ITGBL1: variants seen among roughly 807,000 people sequenced by gnomAD.
ITGBL1 encodes integrin beta-like protein 1.
Under a neutral mutation model 68.5 loss-of-function variants are expected in ITGBL1, and 51 were observed. The ratio of observed to expected loss-of-function variants is 0.74; its 90% CI spans 0.59 to 0.94. ITGBL1 has a LOEUF of 0.94. Ranked by LOEUF, ITGBL1 falls within the 40% of genes least tolerant of loss-of-function variation. The pLI, the probability that ITGBL1 is intolerant of heterozygous loss-of-function variation, is 0.00. For missense variants in ITGBL1, 649 were observed against 647.4 expected, an observed-to-expected ratio of 1.00 and a Z score of -0.03; for synonymous variants, 209 against 227.3, an observed-to-expected ratio of 0.92 and a Z score of 0.72.
At chr13:101,513,896 T>C (rs540486517) in intron 2 of ITGBL1, among the ~76,000 whole-genome samples, 5 of 152,242 alleles carry the variant, frequency 3.3e-5, no homozygotes, top group African/African-American at 1.2e-4. Context: ...CTTAGTAATG[T>C]ATAATTATTT....
intron 2 of ITGBL1, among the ~76,000 whole-genome samples, chr13:101,519,329 G>A (rs1460514472): frequency 6.6e-6 from 1 of 152,056 alleles, no homozygotes; most frequent in African/African-American, 2.4e-5. Context: ...GTTGTCTATT[G>A]AGCACTTGAA....
chr13:101,653,751 C>T (rs939956184), intron 7 of ITGBL1, among the ~76,000 whole-genome samples: 3 of 151,540 alleles, frequency 2.0e-5, no homozygotes, highest in African/African-American at 7.3e-5. Flanking sequence ...TGCAGTGGCA[C>T]AATCTCGGCT....
chr13:101,495,400 C>T (rs2139071157), intron 2 of ITGBL1, among the ~76,000 whole-genome samples: 1 of 152,246 alleles, frequency 6.6e-6, no homozygotes, highest in Non-Finnish European at 1.5e-5. Context: ...ACACGGTCAA[C>T]CCCACAAGGG....
At chr13:101,587,156 C>T (rs1018330600) in intron 6 of ITGBL1, among the ~76,000 whole-genome samples, 8 of 152,140 alleles carry the variant, frequency 5.3e-5, no homozygotes, top group Non-Finnish European at 1.0e-4. Flanking sequence ...TCATTTTATT[C>T]ATTCATTTCC....
At chr13:101,592,903 C>A (rs567252372) in intron 6 of ITGBL1, among the ~76,000 whole-genome samples, 129 of 151,916 alleles carry the variant, frequency 8.5e-4, no homozygotes, top group African/African-American at 2.9e-3. Context: ...GCAACAAAAA[C>A]AAATAGATAA....
At chr13:101,605,770 G>T (rs1327688115) in intron 7 of ITGBL1, among the ~76,000 whole-genome samples, 1 of 94,934 alleles carries the variant, frequency 1.1e-5, no homozygotes, top group Non-Finnish European at 2.1e-5. Flanking sequence ...GTGTACACGT[G>T]TGTAGGCATA....
intron 1 of ITGBL1, among the ~76,000 whole-genome samples, chr13:101,453,410 A>G (rs1043911689): frequency 3.9e-5 from 6 of 152,260 alleles, no homozygotes; most frequent in African/African-American, 1.4e-4. Context: ...CTATCATAGC[A>G]TGTCTAACTC....
chr13:101,643,257 TTC>T (rs1470157537), intron 7 of ITGBL1, among the ~76,000 whole-genome samples: 3 of 149,916 alleles, frequency 2.0e-5, no homozygotes, highest in Non-Finnish European at 3.0e-5. Flanking sequence ...TGGTTTGTAG[TTC>T]TCCTTGAAGA....
chr13:101,544,272 G>T (rs2049773445), intron 2 of ITGBL1, among the ~76,000 whole-genome samples: 1 of 152,226 alleles, frequency 6.6e-6, no homozygotes. Context: ...CCTTCTAACA[G>T]TCAGGACCCT....
At chr13:101,651,098 C>T (rs2032736190) in intron 7 of ITGBL1, among the ~76,000 whole-genome samples, 1 of 152,178 alleles carries the variant, frequency 6.6e-6, no homozygotes, top group Admixed American at 6.5e-5. Context: ...AATAGTGCTA[C>T]AGTGAACATA....
intron 2 of ITGBL1, among the ~76,000 whole-genome samples, chr13:101,467,483 T>C (rs2048398036): frequency 6.6e-6 from 1 of 152,228 alleles, no homozygotes. Context: ...GATAGAGAGC[T>C]GCATGGGGGT....
chr13:101,545,165 G>A (rs905271075), intron 2 of ITGBL1, among the ~76,000 whole-genome samples: 4 of 152,298 alleles, frequency 2.6e-5, no homozygotes, highest in East Asian at 1.9e-4. Context: ...CTGTAGACTG[G>A]AGCTGTTCCT....
intron 2 of ITGBL1, among the ~76,000 whole-genome samples, chr13:101,533,972 G>A (rs1282279645): frequency 6.6e-6 from 1 of 152,106 alleles, no homozygotes; most frequent in Admixed American, 6.6e-5. Context: ...TAAAAAATAA[G>A]CCACTAAGGA....
chr13:101,547,730 A>G (rs1466716354), intron 2 of ITGBL1, among the ~76,000 whole-genome samples: 1 of 151,848 alleles, frequency 6.6e-6, no homozygotes, highest in Non-Finnish European at 1.5e-5. Flanking sequence ...ATACGGAGAA[A>G]GGATAAATGT....
intron 2 of ITGBL1, among the ~76,000 whole-genome samples, chr13:101,473,556 A>G (rs2048492676): frequency 6.6e-6 from 1 of 152,196 alleles, no homozygotes; most frequent in Non-Finnish European, 1.5e-5. Flanking sequence ...GGTGTTTTAA[A>G]TAAACTTGAA....
Position 101,509,170 on chromosome 13 carries a change from C to A in ITGBL1, c.316+55070C>A, listed in dbSNP as rs561125087. Reference sequence around the variant, plus strand: ...GAAGGCAAGGAGGAGCAAGTCACATCTTACGTGGATGGTGGCAGGCAAAGA... The same window carrying A: ...GAAGGCAAGGAGGAGCAAGTCACATATTACGTGGATGGTGGCAGGCAAAGA... On this transcript the variant is annotated intron_variant, in intron 2 of 10. Coordinates refer to ENST00000376180, the MANE Select transcript of ITGBL1 (RefSeq NM_004791.3). Among the ~76,000 whole-genome samples the A allele has an allele frequency of 1.4e-4, 21 of 152,266 alleles. No individual in the cohort carries two copies. The South Asian group carries it at 3.7e-3, about 27-fold the overall frequency.
chr13:101,502,234 A>G (rs2048954727), intron 2 of ITGBL1, among the ~76,000 whole-genome samples: 1 of 152,196 alleles, frequency 6.6e-6, no homozygotes, highest in East Asian at 1.9e-4. Context: ...TAAATAAAAC[A>G]CACATTAAGG....
chr13:101,538,830 T>C (rs186539829), intron 2 of ITGBL1, among the ~76,000 whole-genome samples: 1 of 152,258 alleles, frequency 6.6e-6, no homozygotes, highest in African/African-American at 2.4e-5. Flanking sequence ...TAGTGTTTAT[T>C]ATGTGACAAA....
At chr13:101,674,029 C>G (rs1295086769) in intron 7 of ITGBL1, among the ~76,000 whole-genome samples, 1 of 152,192 alleles carries the variant, frequency 6.6e-6, no homozygotes, top group Non-Finnish European at 1.5e-5. Flanking sequence ...TGAAAGTTGT[C>G]TGAATCAAAA....
Sources: allele counts gnomAD v4.1 joint callset (sites outside exome capture counted in the v4.1 genomes callset), GRCh38; gene constraint gnomAD v4.1.1; transcripts MANE v1.5; gene names NCBI Gene and HGNC (gene_info 2026-07-23, HGNC 2026-07-21).